The following SIPA1 variants were observed in gnomAD, a reference collection of about 807,000 sequenced individuals.
SIPA1 encodes the protein signal-induced proliferation-associated protein 1.
SIPA1 carries 51 observed loss-of-function variants against 88.1 expected under a neutral mutation model. That is an observed-to-expected ratio of 0.58 (90% CI 0.46 to 0.73). The LOEUF (loss-of-function observed/expected upper bound fraction) is 0.73, where lower values mean the gene tolerates loss of function less well. Among genes scored for constraint, SIPA1 ranks in the 30% least tolerant of loss-of-function variants. The probability of loss-of-function intolerance (pLI) is 0.00; values close to 1 mark genes in which losing one functional copy is unlikely to be tolerated. For missense variants in SIPA1, 1,348 were observed against 1,467.6 expected, an observed-to-expected ratio of 0.92 and a Z score of 1.33; for synonymous variants, 681 against 664.8, an observed-to-expected ratio of 1.02 and a Z score of -0.37.
chr11:65,646,963 C>T lies in SIPA1; in HGVS notation c.1929C>T (p.Ser643=), dbSNP rs889169024. 3 of 1,539,534 alleles carry T rather than the reference C, an allele frequency of 1.9e-6. No homozygotes were observed. The highest frequency in any genetic ancestry group is 1.7e-4 in the Middle Eastern group (1 of 6,016). Residue 643 remains serine (S), a synonymous_variant, in exon 8 of 16, where the codon TCC becomes TCT. Coordinates refer to ENST00000534313, the MANE Select transcript of SIPA1 (RefSeq NM_006747.4). This position sits in a 1 kb window ranked among gnomAD's most constrained non-coding sequence, Gnocchi z 7.5. ...ACRDVLAWTF[S]EQQLDLYHGR... ...GCGACGTGCTGGCCTGGACCTTCTCCGAGCAGCAGCTGGACCTGTACCACG... is the reference window on the plus strand; with the variant it reads ...GCGACGTGCTGGCCTGGACCTTCTCTGAGCAGCAGCTGGACCTGTACCACG...
In SIPA1 at chr11:65,638,310, C is replaced by G. The variant is rs574719461; in HGVS notation, c.-92+128C>G. 2.6e-5 allele frequency: 4 copies of G among 152,758 alleles called. No individual in the cohort carries two copies. The South Asian group carries it at 6.2e-4, about 24-fold the overall frequency. The allele number at this position is 152,758 out of a possible 1,614,324, so 9.5% of individuals were successfully genotyped here. On this transcript the variant is annotated intron_variant, in intron 1 of 15. Coordinates refer to ENST00000534313, the MANE Select transcript of SIPA1 (RefSeq NM_006747.4). The stretch of plus-strand genomic sequence containing the variant: ...GCCACGTTCGCCGCCAGCACCCTCC[C>G]AACTTCCCTCCGGGCTCCAGCTCAG...
At position 65,646,634 on chromosome 11, in the gene SIPA1, C is replaced by A; in HGVS notation, c.1600C>A (p.Gln534Lys). ...CGCCATGGCCACGCGCACCCGCCAG[C>A]AGTACCTGCAAGACCTGGCCACCAA... Reference protein sequence around the residue: ...FHAMATRTRQQYLQDLATNEV... With the variant: ...FHAMATRTRQKYLQDLATNEV... The change falls in exon 8 of 16, where the codon CAG becomes AAG. Residue 534 changes from glutamine to lysine, a missense_variant. Transcript: ENST00000534313. This position sits in a 1 kb window ranked among gnomAD's most constrained non-coding sequence, Gnocchi z 7.5. 6.5e-7 allele frequency: 1 copy of A among 1,548,648 alleles called. No individual in the cohort carries two copies. Among genetic ancestry groups the A allele is most frequent in the Admixed American group, 1.9e-5 (1 of 52,460 alleles).
Position 65,649,779 on chromosome 11 carries a change from G to C in SIPA1, c.2660G>C (p.Gly887Ala). ...CAGGACAGGCCAGGCAGTCCCAGTG[G>C]CTCTGAGGACAAGGGCAACCCGGCG... ...LTQDRPGSPS[G>A]SEDKGNPAPE... is the part of the protein sequence containing the mutation. Residue 887 changes from glycine (G) to alanine (A), a missense_variant, in exon 12 of 16, where the codon GGC (glycine) becomes GCC (alanine). Physicochemically the swap from Gly to Ala is moderately conservative, Grantham distance 60. Transcript: ENST00000534313. The C allele has an allele frequency of 6.2e-7, 1 of 1,614,062 alleles. No homozygotes were observed. Among genetic ancestry groups the C allele is most frequent in the Non-Finnish European group, 8.5e-7 (1 of 1,180,042 alleles).
chr11:65,646,622 C>T lies in SIPA1; in HGVS notation c.1588C>T (p.Arg530Cys). 6.5e-7 allele frequency: 1 copy of T among 1,543,518 alleles called. No individual in the cohort carries two copies. The highest frequency in any genetic ancestry group is 8.7e-7 in the Non-Finnish European group (1 of 1,148,568). ...HARQFHAMAT[R>C]TRQQYLQDLA... ...GCGCCAGTTCCACGCCATGGCCACG[C>T]GCACCCGCCAGCAGTACCTGCAAGA... Residue 530 changes from arginine (R) to cysteine (C), a missense_variant, in exon 8 of 16, where the codon CGC becomes TGC. Physicochemically the swap from Arg to Cys is radical, Grantham distance 180. Around this residue, in one of 4 missense-constraint regions of SIPA1, gnomAD observed 641 missense variants for 797.7 expected, o/e 0.80. Coordinates refer to ENST00000534313, the MANE Select transcript of SIPA1 (RefSeq NM_006747.4). The surrounding 1 kb of genome is among the most constrained non-coding windows in gnomAD (Gnocchi z 7.5).
In SIPA1 at chr11:65,646,408, G is replaced by A; in HGVS notation, c.1421+30G>A. On this transcript the variant is annotated intron_variant, in intron 7 of 15. Transcript: ENST00000534313. The surrounding 1 kb of genome is among the most constrained non-coding windows in gnomAD (Gnocchi z 7.5). ...GCACCGGAGTGGTCCCAGGTCTCCC[G>A]TGGGCATGGAGTCCTGCCGCCCCTC... 1.9e-6 allele frequency: 3 copies of A among 1,602,116 alleles called. No homozygotes were observed. Among genetic ancestry groups the A allele is most frequent in the Non-Finnish European group, 2.5e-6 (3 of 1,177,686 alleles).
intron 9 of SIPA1, 65 bp from the exon 10 acceptor site, chr11:65,649,197 T>G (rs1000581449): frequency 6.0e-6 from 7 of 1,166,984 alleles, no homozygotes; most frequent in East Asian, 2.7e-5. Context: ...GGGCTGGGGG[T>G]GGGGCTAGTG....
chr11:65,640,512 G>T (rs1391766482), intron 1 of SIPA1, among the ~76,000 whole-genome samples: 1 of 152,224 alleles, frequency 6.6e-6, no homozygotes, highest in Non-Finnish European at 1.5e-5. Context: ...GGTCCTGGTG[G>T]GACCCTTACT....
chr11:65,642,359 C>A lies in SIPA1; in HGVS notation c.789C>A (p.Val263=). Residue 263 remains valine (V), a synonymous_variant, in exon 3 of 16, where the codon GTC becomes GTA. Transcript: ENST00000534313. This position sits in a 1 kb window ranked among gnomAD's most constrained non-coding sequence, Gnocchi z 6.5. Reference sequence around the variant, plus strand: ...GGGGCACCCTGCACAGCTACCGCGTCATCGTGCGGACCACGCAGGTGGGCC... The same window carrying A: ...GGGGCACCCTGCACAGCTACCGCGTAATCGTGCGGACCACGCAGGTGGGCC... ...SGGGTLHSYR[V]IVRTTQLRTL... 6.4e-7 allele frequency: 1 copy of A among 1,574,342 alleles called. No individual in the cohort carries two copies. Among genetic ancestry groups the A allele is most frequent in the Non-Finnish European group, 8.6e-7 (1 of 1,160,072 alleles).
Position 65,642,191 on chromosome 11 carries a change from A to G in SIPA1, c.680-59A>G, listed in dbSNP as rs1856017781. The stretch of plus-strand genomic sequence containing the variant: ...CGGGGCTTAGTGATGCGCGTGGTCG[A>G]GCGGGGGCGGGGCTGCCAGAGGGCG... On this transcript the variant is annotated intron_variant, in intron 2 of 15. Transcript: ENST00000534313. The surrounding 1 kb of genome is among the most constrained non-coding windows in gnomAD (Gnocchi z 6.5). The G allele has an allele frequency of 6.5e-7, 1 of 1,531,980 alleles. No homozygotes were observed. The highest frequency in any genetic ancestry group is 1.4e-5 in the African/African-American group (1 of 71,500). The allele number at this position is 1,531,980 out of a possible 1,614,324, so 94.9% of individuals were successfully genotyped here.
Position 65,645,861 on chromosome 11 carries a change from C to T in SIPA1, c.1167C>T (p.Ser389=). Residue 389 remains serine (S), a synonymous_variant, in exon 6 of 16, where the codon TCC becomes TCT. Transcript: ENST00000534313. ...CTAACTTCCTGGCCACAGCGGATTCCACAGGCACGCACTCCCTCTACACCA... is the reference window on the plus strand; with the variant it reads ...CTAACTTCCTGGCCACAGCGGATTCTACAGGCACGCACTCCCTCTACACCA... ...YRAQLDTKTD[S]TGTHSLYTTY... The T allele has an allele frequency of 6.2e-7, 1 of 1,608,782 alleles. No homozygotes were observed. The highest frequency in any genetic ancestry group is 1.3e-5 in the African/African-American group (1 of 74,444).
Position 65,647,421 on chromosome 11 carries a change from T to C in SIPA1, c.2069T>C (p.Leu690Pro). The C allele has an allele frequency of 6.8e-7, 1 of 1,472,798 alleles. No homozygotes were observed. Among genetic ancestry groups the C allele is most frequent in the Non-Finnish European group, 8.9e-7 (1 of 1,119,160 alleles). The allele number at this position is 1,472,798 out of a possible 1,614,324, so 91.2% of individuals were successfully genotyped here. A position where few individuals can be genotyped will look rare whatever the true frequency, so the allele number is the denominator to read the frequency against. The change falls in exon 9 of 16, where the codon CTG (leucine) becomes CCG (proline). Residue 690 changes from leucine to proline, a missense_variant. By Grantham distance (98) the Leu-to-Pro change is moderately conservative (BLOSUM62 -3). This residue lies in a region of SIPA1 where 615 missense variants were observed against 559.8 expected (regional missense o/e 1.10). Coordinates refer to ENST00000534313, the MANE Select transcript of SIPA1 (RefSeq NM_006747.4). ...GGCTGCGAGACCCGCGAGCTGGCGC[T>C]GCCCCGCGACGGTCAAGGCCGCCTG... is the stretch of plus-strand genomic sequence containing the variant. ...SRGCETRELA[L>P]PRDGQGRLGF... is the part of the protein sequence containing the mutation.
intron 9 of SIPA1, among the ~76,000 whole-genome samples, chr11:65,647,959 C>T (rs1306366368): frequency 6.6e-6 from 1 of 151,936 alleles, no homozygotes; most frequent in African/African-American, 2.4e-5. Context: ...GCAACATCCG[C>T]CTCCCAGGTT....
rs373521999 is a variant in SIPA1 at position 65,650,429 on chromosome 11, G to A, written c.2932G>A (p.Val978Ile). The A allele has an allele frequency of 1.2e-6, 2 of 1,614,098 alleles. No individual in the cohort carries two copies. The part of the protein sequence containing the change: ...EPEPGNLSEK[V>I]SHLESMLRKL... ...AGAGCCTGGGAACCTCTCAGAGAAG[G>A]TCTCTCACTTGGAGTCCATGCTCAG... The change falls in exon 15 of 16, where the codon GTC becomes ATC. Residue 978 changes from valine (V) to isoleucine (I), a missense_variant. Physicochemically the swap from Val to Ile is conservative, Grantham distance 29 (BLOSUM62 3). Coordinates refer to ENST00000534313, the MANE Select transcript of SIPA1 (RefSeq NM_006747.4).
chr11:65,640,744 G>C, intron 1 of SIPA1, 87 bp from the exon 2 acceptor site: 1 of 536,578 alleles, frequency 1.9e-6, no homozygotes, highest in Non-Finnish European at 3.2e-6. Context: ...GGGGCCGGAA[G>C]CCAACACGGG....
Position 65,646,768 on chromosome 11 carries a change from G to A in SIPA1, c.1734G>A (p.Ala578=). The part of the protein sequence containing the change: ...PRGPGAELQA[A]GSLVWGVRAA... ...GCCCAGGCGCCGAGCTGCAGGCAGC[G>A]GGCTCACTGGTGTGGGGAGTGCGCG... Residue 578 remains alanine, a synonymous_variant, in exon 8 of 16, where the codon GCG becomes GCA. Coordinates refer to ENST00000534313, the MANE Select transcript of SIPA1 (RefSeq NM_006747.4). The surrounding 1 kb of genome is among the most constrained non-coding windows in gnomAD (Gnocchi z 7.5). 6.7e-7 allele frequency: 1 copy of A among 1,484,114 alleles called. No homozygotes were observed. 91.9% of individuals were successfully genotyped at this position (1,484,114 alleles called of 1,614,324 possible). A position where few individuals can be genotyped will look rare whatever the true frequency, so the allele number is the denominator to read the frequency against.
In SIPA1 at chr11:65,647,557, T is replaced by G. The variant is rs4930157; in HGVS notation, c.2205T>G (p.Thr735=). 1 allele frequency: 1,327,722 copies of G among 1,328,814 alleles called. 663,325 individuals are homozygous for G. The highest frequency in any genetic ancestry group is 1 in the East Asian group (28,883 of 28,884). The allele number at this position is 1,328,814 out of a possible 1,614,324, so 82.3% of individuals were successfully genotyped here. The change falls in exon 9 of 16, where the codon ACT becomes ACG. Residue 735 remains threonine (T), a synonymous_variant. Transcript: ENST00000534313. ...GARLLRVCGQ[T]LPSLRPEAAA... ...GCCTCCTGCGCGTGTGCGGCCAGAC[T>G]CTGCCCAGCCTCCGGCCCGAGGCCG...
Position 65,647,036 on chromosome 11 carries a change from G to T in SIPA1, c.2002G>T (p.Ala668Ser). ...GCGCTTCGACGGGTCCCCCGGCCAA[G>T]CCGTGGGCGAGGTGGTGGCGCGCCT... Reference protein sequence around the residue: ...TLRFDGSPGQAVGEVVARLQL... With the variant: ...TLRFDGSPGQSVGEVVARLQL... The change falls in exon 8 of 16, where the codon GCC becomes TCC. Residue 668 changes from alanine to serine, a missense_variant. Around this residue, in one of 4 missense-constraint regions of SIPA1, gnomAD observed 615 missense variants for 559.8 expected, o/e 1.10. Transcript: ENST00000534313. 6.5e-7 allele frequency: 1 copy of T among 1,544,554 alleles called. No homozygotes were observed. Among genetic ancestry groups the T allele is most frequent in the East Asian group, 2.4e-5 (1 of 41,852 alleles).
Position 65,650,645 on chromosome 11 carries a change from C to CT in SIPA1, c.3060dup (p.Glu1021Ter). The stretch of plus-strand genomic sequence containing the variant: ...AACAACCGGCGGCTGCAGGCGGAGT[C>CT]TGAGAGTGCAGCCACACGCCTCCTC... On this transcript the variant is annotated frameshift_variant, in exon 16 of 16. Transcript: ENST00000534313. LOFTEE classifies it high-confidence loss of function. The CT allele has an allele frequency of 6.4e-7, 1 of 1,574,076 alleles. No homozygotes were observed. Among genetic ancestry groups the CT allele is most frequent in the African/African-American group, 1.3e-5 (1 of 74,128 alleles).
At chr11:65,645,762 A>C in intron 5 of SIPA1, 92 bp from the exon 6 acceptor site, 1 of 794,844 alleles carries the variant, frequency 1.3e-6, no homozygotes, top group East Asian at 2.8e-5. Context: ...TTTGGGGCAC[A>C]GAGGCTCCTG....
Sources: allele counts gnomAD v4.1 joint callset (sites outside exome capture counted in the v4.1 genomes callset), GRCh38; gene constraint gnomAD v4.1.1; regional missense constraint gnomAD v4.1.1; non-coding constraint Gnocchi (gnomAD v3.1); transcripts MANE v1.5; gene names NCBI Gene and HGNC (gene_info 2026-07-23, HGNC 2026-07-21).